ESRRG: variants seen among roughly 807,000 people sequenced by gnomAD.
ESRRG encodes estrogen related receptor gamma, also known as estrogen-related receptor gamma.
A neutral mutation model predicts 44.0 loss-of-function variants in ESRRG; 13 were observed. That is an observed-to-expected ratio of 0.30 (90% confidence interval 0.19 to 0.47). ESRRG has a LOEUF of 0.47. Among genes scored for constraint, ESRRG ranks in the 20% least tolerant of loss-of-function variants. ESRRG has a pLI of 1.00. For synonymous variants in ESRRG, 215 were observed against 214.6 expected (o/e 1.00, Z -0.02); for missense variants, 395 against 580.6 (o/e 0.68, Z 3.29).
At chr1:216,851,569 A>T (rs917132822) in intron 2 of ESRRG, among the ~76,000 whole-genome samples, 1 of 152,146 alleles carries the variant, frequency 6.6e-6, no homozygotes, top group Non-Finnish European at 1.5e-5. Context: ...TACAGGGAGA[A>T]GTTGACAGTC....
chr1:217,030,080 T>G (rs2081842436), intron 1 of ESRRG, among the ~76,000 whole-genome samples: 1 of 152,204 alleles, frequency 6.6e-6, no homozygotes, highest in Non-Finnish European at 1.5e-5. Context: ...GCTGACCATG[T>G]CAAAGAAAGA....
chr1:217,072,098 AT>A (rs2090636781), intron 1 of ESRRG, among the ~76,000 whole-genome samples: 1 of 152,138 alleles, frequency 6.6e-6, no homozygotes, highest in Non-Finnish European at 1.5e-5. Context: ...TAACATTCTG[AT>A]TTCCTCTCTA....
intron 5 of ESRRG, among the ~76,000 whole-genome samples, chr1:216,546,809 C>G (rs542576409): frequency 7.6e-6 from 1 of 132,108 alleles, no homozygotes; most frequent in Admixed American, 8.3e-5. Flanking sequence ...TCTGCTATCT[C>G]TTTATATATA....
At chr1:216,722,468 T>A (rs193206333) in intron 1 of ESRRG, among the ~76,000 whole-genome samples, 1 of 145,858 alleles carries the variant, frequency 6.9e-6, no homozygotes, top group Admixed American at 7.1e-5. Context: ...TATCCATAAA[T>A]ACTAATTAAA....
chr1:216,880,057 C>T (rs1380172125), intron 2 of ESRRG, among the ~76,000 whole-genome samples: 1 of 151,950 alleles, frequency 6.6e-6, no homozygotes, highest in Non-Finnish European at 1.5e-5. Context: ...TCTGTCATCA[C>T]AGCACTTTGG....
At chr1:216,753,427 C>A (rs1364840858) in intron 2 of ESRRG, among the ~76,000 whole-genome samples, 1 of 151,954 alleles carries the variant, frequency 6.6e-6, no homozygotes, top group Non-Finnish European at 1.5e-5. Flanking sequence ...AAGAGAAAAC[C>A]ATCAAAGGGT....
At chr1:216,713,904 GCT>G (rs576191022) in intron 1 of ESRRG, among the ~76,000 whole-genome samples, 168 of 152,254 alleles carry the variant, frequency 1.1e-3, no homozygotes, top group South Asian at 2.9e-3. Context: ...ATTTCGAAAA[GCT>G]CTCTCAGTCT....
intron 3 of ESRRG, among the ~76,000 whole-genome samples, chr1:216,617,147 G>A (rs2061530137): frequency 2.0e-5 from 3 of 152,116 alleles, no homozygotes; most frequent in Non-Finnish European, 1.5e-5. Context: ...CGATTTCCCA[G>A]AGTTTTATTA....
chr1:217,115,592 C>G (rs1020125743), intron 1 of ESRRG, among the ~76,000 whole-genome samples: 1 of 152,048 alleles, frequency 6.6e-6, no homozygotes, highest in Non-Finnish European at 1.5e-5. Flanking sequence ...ACTTGCTGTC[C>G]TCTCTATCTG....
intron 1 of ESRRG, among the ~76,000 whole-genome samples, chr1:216,708,921 T>C (rs2082988991): frequency 6.6e-6 from 1 of 152,104 alleles, no homozygotes; most frequent in Non-Finnish European, 1.5e-5. Context: ...TGCAGGAACG[T>C]GGATGAAGCT....
chr1:216,808,624 A>G (rs1040721977), intron 2 of ESRRG, among the ~76,000 whole-genome samples: 3 of 151,976 alleles, frequency 2.0e-5, no homozygotes, highest in Admixed American at 6.6e-5. Context: ...GGGTTTTGCC[A>G]TGTTGCCCAG....
intron 2 of ESRRG, among the ~76,000 whole-genome samples, chr1:216,761,699 G>A (rs1279115177): frequency 1.3e-5 from 2 of 152,168 alleles, no homozygotes; most frequent in African/African-American, 2.4e-5. Flanking sequence ...AAAAGGCTGT[G>A]CTTTCTGTAT....
chr1:216,775,671 C>G (rs2093585397), intron 2 of ESRRG, among the ~76,000 whole-genome samples: 1 of 147,890 alleles, frequency 6.8e-6, no homozygotes, highest in Admixed American at 6.8e-5. Flanking sequence ...CTCACTTCAG[C>G]CTCCCAAGTG....
intron 3 of ESRRG, among the ~76,000 whole-genome samples, chr1:216,621,979 C>T (rs1028115850): frequency 2.6e-5 from 4 of 152,170 alleles, no homozygotes; most frequent in African/African-American, 7.2e-5. Context: ...CCATCACAGA[C>T]GTGCACTTGT....
chr1:216,887,330 G>A (rs1278746963), intron 2 of ESRRG, among the ~76,000 whole-genome samples: 3 of 152,104 alleles, frequency 2.0e-5, no homozygotes, highest in African/African-American at 7.2e-5. Context: ...TCATACTGTA[G>A]GAAAATAGCT....
At chr1:217,111,344 A>G (rs2102461659) in intron 1 of ESRRG, among the ~76,000 whole-genome samples, 1 of 152,200 alleles carries the variant, frequency 6.6e-6, no homozygotes, top group African/African-American at 2.4e-5. Flanking sequence ...AGCTCACCCA[A>G]ACAAAAGGTC....
At chr1:216,604,721 T>G (rs2059697639) in intron 3 of ESRRG, among the ~76,000 whole-genome samples, 1 of 152,216 alleles carries the variant, frequency 6.6e-6, no homozygotes, top group Non-Finnish European at 1.5e-5. Flanking sequence ...AATAATCTGT[T>G]GCTAATACCT....
intron 1 of ESRRG, among the ~76,000 whole-genome samples, chr1:217,136,607 C>T (rs539548266): frequency 6.6e-6 from 1 of 152,176 alleles, no homozygotes; most frequent in South Asian, 2.1e-4. Flanking sequence ...TTGCTGCACC[C>T]GCTCACATCT....
At chr1:216,863,695 G>A (rs1435324537) in intron 2 of ESRRG, 1 of 152,016 alleles carries the variant, frequency 6.6e-6, no homozygotes, top group Non-Finnish European at 1.5e-5. Context: ...TCTTTCTCAG[G>A]AGTCATGGGC....
Sources: allele counts gnomAD v4.1 joint callset (sites outside exome capture counted in the v4.1 genomes callset), GRCh38; gene constraint gnomAD v4.1.1; transcripts MANE v1.5; gene names NCBI Gene and HGNC (gene_info 2026-07-23, HGNC 2026-07-21).